The following PRMT7 variants were observed in gnomAD, a reference collection of about 807,000 sequenced individuals.
The protein encoded by PRMT7 is protein arginine methyltransferase 7.
PRMT7 carries 75 observed loss-of-function variants against 85.4 expected under a neutral mutation model. The observed-to-expected ratio is 0.88, with a 90% confidence interval of 0.73 to 1.06. The LOEUF is 1.06. PRMT7 is among the 50% of genes least tolerant of loss of function. The pLI, the probability that PRMT7 is intolerant of heterozygous loss-of-function variation, is 0.00. For synonymous variants in PRMT7, 397 were observed against 359.5 expected, an observed-to-expected ratio of 1.10 and a Z score of -1.18; for missense variants, 868 against 915.2, an observed-to-expected ratio of 0.95 and a Z score of 0.67.
At chr16:68,329,686 G>A (rs931683627) in intron 6 of PRMT7, among the ~76,000 whole-genome samples, 7 of 151,882 alleles carry the variant, frequency 4.6e-5, no homozygotes, top group African/African-American at 1.2e-4. Context: ...TGGCTAACAC[G>A]GTGAAACTCT....
rs1318111186 is a variant in PRMT7 at position 68,341,410 on chromosome 16, TTTTG to T, written c.927+1454_927+1457del. On this transcript the variant is annotated intron_variant, in intron 9 of 18. Coordinates refer to ENST00000441236, the MANE Select transcript of PRMT7 (RefSeq NM_019023.5). ...CCCTGAAAATTCACAGGCTACGGTTTTTTGTTTGTTTGTTTTGAGATGGAGTTTC... is the reference window on the plus strand; with the variant it reads ...CCCTGAAAATTCACAGGCTACGGTTTTTTGTTTGTTTTGAGATGGAGTTTC... Among the ~76,000 whole-genome samples the T allele has an allele frequency of 4.6e-5, 7 of 152,198 alleles. No homozygotes were observed. In the South Asian group the frequency reaches 8.3e-4, roughly 18 times the overall value.
intron 14 of PRMT7, among the ~76,000 whole-genome samples, chr16:68,350,365 C>G (rs1162478828): frequency 1.3e-5 from 2 of 151,902 alleles, no homozygotes; most frequent in Non-Finnish European, 2.9e-5. Context: ...AGTGGCTGTC[C>G]TTTTGACATC....
rs1452341459 is a variant in PRMT7 at position 68,345,031 on chromosome 16, A to G, written c.928-644A>G. Among the ~76,000 whole-genome samples the G allele has an allele frequency of 1.1e-4, 16 of 149,548 alleles. No homozygotes were observed. In the East Asian group the frequency reaches 2.8e-3, roughly 26 times the overall value. Reference sequence around the variant, plus strand: ...TGCAGACATCTGACACTTTACTTTTAAATACTTCAACACTTATCTCCCAAG... The same window carrying G: ...TGCAGACATCTGACACTTTACTTTTGAATACTTCAACACTTATCTCCCAAG... On this transcript the variant is annotated intron_variant, in intron 9 of 18. Coordinates refer to ENST00000441236, the MANE Select transcript of PRMT7 (RefSeq NM_019023.5).
chr16:68,346,801 C>T (rs2086470348), intron 11 of PRMT7, among the ~76,000 whole-genome samples: 1 of 151,912 alleles, frequency 6.6e-6, no homozygotes, highest in South Asian at 2.1e-4. Flanking sequence ...AGGATCCAAG[C>T]CATCCTGAGT....
chr16:68,328,290 C>T (rs780336182), intron 5 of PRMT7: 126 of 157,920 alleles, frequency 8.0e-4, no homozygotes, highest in Middle Eastern at 1.9e-3. Context: ...TCCTGCCCTT[C>T]GTCAAATTCC....
At position 68,356,687 on chromosome 16, in the gene PRMT7, C is replaced by T. The variant is rs756000988; in HGVS notation, c.1812-14C>T. ...TGTGTGACTACTTCTGCTGGGCCCC[C>T]CTCTCCTTGACAGGCCCGGGCAGAG... On this transcript the variant is annotated splice_polypyrimidine_tract_variant and intron_variant, in intron 17 of 18. Transcript: ENST00000441236. 63 of 1,606,250 alleles carry T rather than the reference C, an allele frequency of 3.9e-5. No individual in the cohort carries two copies. Among genetic ancestry groups the T allele is most frequent in the Non-Finnish European group, 5.1e-5 (60 of 1,175,770 alleles).
At chr16:68,327,675 C>T (rs1250352611) in intron 5 of PRMT7, among the ~76,000 whole-genome samples, 1 of 152,084 alleles carries the variant, frequency 6.6e-6, no homozygotes, top group Non-Finnish European at 1.5e-5. Context: ...GAGCCAGGTG[C>T]GGTGGCTCAC....
chr16:68,329,033 C>A, intron 5 of PRMT7, 33 bp from the exon 6 acceptor site: 2 of 1,468,260 alleles, frequency 1.4e-6, no homozygotes, highest in South Asian at 2.3e-5. Context: ...ATTTATTGCT[C>A]ATTTTTCCTT....
In PRMT7 at chr16:68,355,782, A is replaced by C; in HGVS notation, c.1710A>C (p.Pro570=). The C allele has an allele frequency of 6.2e-7, 1 of 1,611,500 alleles. No homozygotes were observed. Among genetic ancestry groups the C allele is most frequent in the East Asian group, 2.2e-5 (1 of 44,754 alleles). Residue 570 remains proline (P), a synonymous_variant, in exon 17 of 19, where the codon CCA becomes CCC. Coordinates refer to ENST00000441236, the MANE Select transcript of PRMT7 (RefSeq NM_019023.5). ...AGCCCCACCCGCTGTGGGAGTACCC[A>C]TGCCGCAGCCTCTCCGAGCCCTGGC... is the stretch of plus-strand genomic sequence containing the variant. ...EAEPHPLWEY[P]CRSLSEPWQI...
intron 6 of PRMT7, among the ~76,000 whole-genome samples, chr16:68,334,051 A>G (rs563799501): frequency 9.2e-5 from 14 of 152,324 alleles, no homozygotes; most frequent in Middle Eastern, 6.8e-3. Flanking sequence ...GATTACAGGC[A>G]TGAACCACCA....
intron 16 of PRMT7, 160 bp from the exon 17 acceptor site, chr16:68,355,563 G>A: frequency 1.5e-6 from 1 of 656,630 alleles, no homozygotes; most frequent in Non-Finnish European, 2.3e-6. Context: ...AGAGAGAAGT[G>A]GCAGAGAGGG....
chr16:68,339,886 G>A lies in PRMT7; in HGVS notation c.845G>A (p.Trp282Ter). 1 of 1,614,188 alleles carries A rather than the reference G, an allele frequency of 6.2e-7. No individual in the cohort carries two copies. Among genetic ancestry groups the A allele is most frequent in the African/African-American group, 1.3e-5 (1 of 75,052 alleles). Residue 282 changes from tryptophan to a stop codon, truncating the protein, a stop_gained, in exon 9 of 19, where the codon TGG becomes TAG. Coordinates refer to ENST00000441236, the MANE Select transcript of PRMT7 (RefSeq NM_019023.5). LOFTEE classifies it high-confidence loss of function. ...CGAGCTCAGGTGGTTCTCTCGTGGT[G>A]GGACATTGAAATGGACCCTGAGGGG... ...SGRAQVVLSW[W>*]DIEMDPEGKI...
At chr16:68,355,531 G>C in intron 16 of PRMT7, 192 bp from the exon 17 acceptor site, 1 of 495,406 alleles carries the variant, frequency 2.0e-6, no homozygotes, top group Non-Finnish European at 3.3e-6. Context: ...CAGAGCCAGC[G>C]GTGCCTGGGG....
At chr16:68,348,813 A>AT (rs148064982) in intron 14 of PRMT7, among the ~76,000 whole-genome samples, 22,459 of 150,938 alleles carry the variant, frequency 0.15, 1,873 homozygotes, top group African/African-American at 0.22. Context: ...TAATTTTTGT[A>AT]TTTTTTGTAG....
Position 68,357,257 on chromosome 16 carries a change from G to T in PRMT7, c.*33G>T. ...TGAGCAATAAAGTGGCCTGAGGGCT[G>T]GGGTTCTGAGTGGCTCATGGCTTTC... On this transcript the variant is annotated 3_prime_UTR_variant, in exon 19 of 19. Transcript: ENST00000441236. 1 of 1,582,452 alleles carries T rather than the reference G, an allele frequency of 6.3e-7. No individual in the cohort carries two copies. The highest frequency in any genetic ancestry group is 2.2e-5 in the East Asian group (1 of 44,534).
intron 7 of PRMT7, among the ~76,000 whole-genome samples, chr16:68,338,646 A>G (rs1456592796): frequency 6.6e-6 from 1 of 152,046 alleles, no homozygotes; most frequent in Non-Finnish European, 1.5e-5. Flanking sequence ...AGGTTGGGAG[A>G]TGCTTCGCAG....
In PRMT7 at chr16:68,316,007, C is replaced by G. The variant is rs750783966; in HGVS notation, c.28C>G (p.Pro10Ala). The G allele has an allele frequency of 1.9e-6, 3 of 1,613,568 alleles. No homozygotes were observed. The highest frequency in any genetic ancestry group is 2.7e-5 in the African/African-American group (2 of 74,932). The change falls in exon 3 of 19, where the codon CCG (proline) becomes GCG (alanine). Residue 10 changes from proline to alanine, a missense_variant. Coordinates refer to ENST00000441236, the MANE Select transcript of PRMT7 (RefSeq NM_019023.5). ...GAAGATCTTCTGCAGTCGGGCCAAT[C>G]CGACCACGGGGTCTGTGGAGTGGCT... MKIFCSRAN[P>A]TTGSVEWLEE...
In PRMT7 at chr16:68,342,243, ACTCAAAC is replaced by A. The variant is rs139980732; in HGVS notation, c.927+2278_927+2284del. Among the ~76,000 whole-genome samples, 257 of 152,310 alleles carry A rather than the reference ACTCAAAC, an allele frequency of 1.7e-3. 3 individuals are homozygous for A. In the East Asian group the frequency reaches 0.044, roughly 26 times the overall value. On this transcript the variant is annotated intron_variant, in intron 9 of 18. Coordinates refer to ENST00000441236, the MANE Select transcript of PRMT7 (RefSeq NM_019023.5). ...AAGTGAGCTGAGGTCACACCACTGC[ACTCAAAC>A]CTGGGTGGCAGAGCGAGACTCTGTC...
intron 6 of PRMT7, among the ~76,000 whole-genome samples, chr16:68,331,134 C>G (rs2083832675): frequency 6.6e-6 from 1 of 152,186 alleles, no homozygotes; most frequent in Non-Finnish European, 1.5e-5. Flanking sequence ...CCTAGGCACC[C>G]ACTCATAGAC....
Sources: allele counts gnomAD v4.1 joint callset (sites outside exome capture counted in the v4.1 genomes callset), GRCh38; gene constraint gnomAD v4.1.1; transcripts MANE v1.5; gene names NCBI Gene and HGNC (gene_info 2026-07-23, HGNC 2026-07-21).